Variants in SYTL2 observed in about 807,000 individuals in gnomAD.
The protein encoded by SYTL2 is synaptotagmin-like protein 2.
Under a neutral mutation model 198.7 loss-of-function variants are expected in SYTL2, and 165 were observed. That is an observed-to-expected ratio of 0.83 (90% confidence interval 0.73 to 0.94). The LOEUF (loss-of-function observed/expected upper bound fraction) is 0.94. SYTL2 is among the 40% of genes least tolerant of loss of function. The pLI, the probability that SYTL2 is intolerant of heterozygous loss-of-function variation, is 0.00. For synonymous variants in SYTL2, 966 were observed against 917.7 expected (o/e 1.05, Z -0.95); for missense variants, 2,835 against 2,582.8 (o/e 1.10, Z -2.12).
rs1392988183 is a variant in SYTL2 at position 85,695,259 on chromosome 11, G to A, written c.6656C>T (p.Pro2219Leu). Residue 2219 changes from proline to leucine, a missense_variant, in exon 20 of 20, where the codon CCC becomes CTC. Pro to Leu is a moderately conservative substitution (Grantham distance 98). Around this residue, in one of 3 missense-constraint regions of SYTL2, gnomAD observed 185 missense variants for 182.1 expected, o/e 1.02. Transcript: ENST00000359152. ...CAGTGTTGCTTCAATCCAAGTATTG[G>A]GGGAGTTTACCATCTTCTCCCAGAG... ...VALWEKMVNS[P>L]NTWIEATLPL... The A allele has an allele frequency of 1.2e-6, 2 of 1,612,790 alleles. No homozygotes were observed. Among genetic ancestry groups the A allele is most frequent in the Admixed American group, 3.3e-5 (2 of 59,932 alleles).
At chr11:85,746,295 C>T (rs1267333216) in intron 3 of SYTL2, among the ~76,000 whole-genome samples, 1 of 152,174 alleles carries the variant, frequency 6.6e-6, no homozygotes, top group Non-Finnish European at 1.5e-5. Flanking sequence ...AAATCCAAAA[C>T]TACATATTCT....
rs556424177 is a variant in SYTL2 at position 85,756,526 on chromosome 11, T to C, written c.101+1099A>G. On this transcript the variant is annotated intron_variant, in intron 2 of 19. Coordinates refer to ENST00000359152, the MANE Select transcript of SYTL2 (RefSeq NM_206927.4). ...CTTCTGACACCTACCAGTTGTGTGA[T>C]ATTGGGCGAGTCACCTGACTTGTCT... 2.0e-5 allele frequency among the ~76,000 whole-genome samples: 3 copies of C among 152,282 alleles called. No individual in the cohort carries two copies. The South Asian group carries it at 6.2e-4, about 32-fold the overall frequency.
Position 85,709,370 on chromosome 11 carries a change from T to A in SYTL2, c.5876A>T (p.Asp1959Val), listed in dbSNP as rs778352974. ...TTTTTTTACATCCGCTGCTGCTAAG[T>A]CCTTACACTGGGCCACAAAAACATG... ...ELHVFVAQCK[D>V]LAAADVKKQR... Residue 1959 changes from aspartate (D) to valine (V), a missense_variant, in exon 14 of 20, where the codon GAC becomes GTC. Asp to Val is a radical substitution (Grantham distance 152, BLOSUM62 -3). This residue lies in a region of SYTL2 where 2,645 missense variants were observed against 2,381.7 expected (regional missense o/e 1.11). Coordinates refer to ENST00000359152, the MANE Select transcript of SYTL2 (RefSeq NM_206927.4). 1.9e-6 allele frequency: 3 copies of A among 1,614,032 alleles called. No individual in the cohort carries two copies. The highest frequency in any genetic ancestry group is 1.7e-6 in the Non-Finnish European group (2 of 1,180,036).
At chr11:85,851,435 T>C in the SYTL2 span, among the ~76,000 whole-genome samples, 1 of 152,382 alleles carries the variant, frequency 6.6e-6, no homozygotes, top group Admixed American at 6.5e-5. Context: ...CCTGCAGTTG[T>C]TTCTGTTTAG....
the SYTL2 span, among the ~76,000 whole-genome samples, chr11:85,839,789 A>T: frequency 2.0e-5 from 3 of 152,142 alleles, no homozygotes; most frequent in East Asian, 5.8e-4. Flanking sequence ...CTTTCTTTTG[A>T]GTATATACCC....
At chr11:85,758,270 T>C (rs1035688790) in intron 1 of SYTL2, among the ~76,000 whole-genome samples, 156 bp from the exon 2 acceptor site, 6 of 152,144 alleles carry the variant, frequency 3.9e-5, no homozygotes, top group African/African-American at 7.2e-5. Context: ...AAATGGGTCA[T>C]GAAACATGCT....
intron 2 of SYTL2, among the ~76,000 whole-genome samples, chr11:85,756,955 A>G (rs1275840739): frequency 6.6e-6 from 1 of 152,240 alleles, no homozygotes; most frequent in Non-Finnish European, 1.5e-5. Context: ...TTACACAGGC[A>G]GTAAATGGCA....
intron 8 of SYTL2, 141 bp from the exon 9 acceptor site, chr11:85,721,100 G>C: frequency 1.7e-6 from 1 of 575,960 alleles, no homozygotes; most frequent in Non-Finnish European, 3.1e-6. Context: ...TTTCACAGAA[G>C]AAAATAAAAT....
At chr11:85,839,323 C>T in the SYTL2 span, among the ~76,000 whole-genome samples, 4 of 152,326 alleles carry the variant, frequency 2.6e-5, no homozygotes, top group South Asian at 2.1e-4. Context: ...TGCTATCCCA[C>T]AGTGATATTC....
At chr11:85,775,973 G>A (rs569805608) in intron 1 of SYTL2, among the ~76,000 whole-genome samples, 8 of 152,276 alleles carry the variant, frequency 5.3e-5, no homozygotes, top group Admixed American at 2.0e-4. Flanking sequence ...ATGGAGGTAC[G>A]GCCTAATGGC....
intron 1 of SYTL2, among the ~76,000 whole-genome samples, chr11:85,787,174 G>T (rs1224886096): frequency 6.6e-6 from 1 of 152,132 alleles, no homozygotes; most frequent in East Asian, 1.9e-4. Context: ...ATTATTTCTT[G>T]TGTGTTCTTG....
At chr11:85,825,086 T>A in the SYTL2 span, among the ~76,000 whole-genome samples, 1 of 152,158 alleles carries the variant, frequency 6.6e-6, no homozygotes, top group Non-Finnish European at 1.5e-5. Context: ...GCCTAATACA[T>A]AGCTTACTTA....
At chr11:85,747,115 C>A (rs2091204593) in intron 3 of SYTL2, among the ~76,000 whole-genome samples, 1 of 152,044 alleles carries the variant, frequency 6.6e-6, no homozygotes, top group African/African-American at 2.4e-5. Context: ...GAGAAGGCAA[C>A]CAGTAAGTAT....
At chr11:85,750,672 T>C (rs1161279795) in intron 2 of SYTL2, among the ~76,000 whole-genome samples, 1 of 152,130 alleles carries the variant, frequency 6.6e-6, no homozygotes, top group Non-Finnish European at 1.5e-5. Context: ...TAACTGTCTG[T>C]TGAGTGAATA....
intron 13 of SYTL2, among the ~76,000 whole-genome samples, chr11:85,710,730 G>A (rs1274406856): frequency 6.6e-6 from 1 of 152,058 alleles, no homozygotes; most frequent in African/African-American, 2.4e-5. Context: ...GATTGCTCAG[G>A]ATTACTAAAA....
chr11:85,768,641 GTT>G (rs1390554290), intron 1 of SYTL2, among the ~76,000 whole-genome samples: 1 of 152,148 alleles, frequency 6.6e-6, no homozygotes, highest in Non-Finnish European at 1.5e-5. Context: ...TCACTAGACT[GTT>G]TCCTATCCTC....
intron 14 of SYTL2, among the ~76,000 whole-genome samples, chr11:85,708,660 AGT>A (rs2085649776): frequency 6.6e-6 from 1 of 151,908 alleles, no homozygotes; most frequent in South Asian, 2.1e-4. Context: ...AAAGTTTGAG[AGT>A]GTGGTGGAAA....
chr11:85,733,231 A>C (rs2089984358), intron 7 of SYTL2, among the ~76,000 whole-genome samples: 1 of 152,262 alleles, frequency 6.6e-6, no homozygotes, highest in Non-Finnish European at 1.5e-5. Flanking sequence ...GTCTGGTAAA[A>C]TTGTAATTAA....
intron 7 of SYTL2, among the ~76,000 whole-genome samples, chr11:85,729,194 T>A (rs1380407912): frequency 6.6e-6 from 1 of 152,136 alleles, no homozygotes; most frequent in African/African-American, 2.4e-5. Context: ...TACAGAAAAT[T>A]AACAAGGATA....
Sources: allele counts gnomAD v4.1 joint callset (sites outside exome capture counted in the v4.1 genomes callset), GRCh38; gene constraint gnomAD v4.1.1; regional missense constraint gnomAD v4.1.1; transcripts MANE v1.5; gene names NCBI Gene and HGNC (gene_info 2026-07-23, HGNC 2026-07-21).